The following TPST1 variants were observed in gnomAD, a reference collection of about 807,000 sequenced individuals.
The protein encoded by TPST1 is protein-tyrosine sulfotransferase 1.
Under a neutral mutation model 34.8 loss-of-function variants are expected in TPST1, and 20 were observed. The ratio of observed to expected loss-of-function variants is 0.57; its 90% CI spans 0.40 to 0.84. The LOEUF (loss-of-function observed/expected upper bound fraction) is 0.84. TPST1 is among the 40% of genes least tolerant of loss of function. The pLI is 0.00. For synonymous variants in TPST1, 152 were observed against 159.4 expected (o/e 0.95, Z 0.35); for missense variants, 353 against 455.5 (o/e 0.78, Z 2.05).
At chr7:66,321,368 C>T (rs1400078810) in intron 3 of TPST1, among the ~76,000 whole-genome samples, 1 of 152,250 alleles carries the variant, frequency 6.6e-6, no homozygotes, top group Non-Finnish European at 1.5e-5. Context: ...CAACTGACTT[C>T]AGGGTCAGGC....
chr7:66,222,858 CTG>C (rs1372791302), intron 1 of TPST1, among the ~76,000 whole-genome samples: 1 of 152,180 alleles, frequency 6.6e-6, no homozygotes, highest in Non-Finnish European at 1.5e-5. Flanking sequence ...CCCAGCAGTG[CTG>C]TGAGAGAGAA....
chr7:66,296,453 A>G (rs989129464), intron 3 of TPST1, among the ~76,000 whole-genome samples: 2 of 151,966 alleles, frequency 1.3e-5, no homozygotes, highest in African/African-American at 2.4e-5. Flanking sequence ...TTTGCCTGTA[A>G]TAAGTCAGAT....
rs1789469745 is a variant in TPST1, at chr7:66,218,405, G to A, written c.-102+12883G>A. Among the ~76,000 whole-genome samples, 4 of 152,128 alleles carry A rather than the reference G, an allele frequency of 2.6e-5. 1 individual carries two copies. The highest frequency in any genetic ancestry group is 9.7e-5 in the African/African-American group (4 of 41,424). On this transcript the variant is annotated intron_variant, in intron 1 of 5. Coordinates refer to ENST00000304842, the MANE Select transcript of TPST1 (RefSeq NM_003596.4). ...ATACTCATTTATATGCTCATTTAAT[G>A]TATGTAACATTTAATTGAAATGTAT...
chr7:66,231,712 G>C, intron 1 of TPST1, among the ~76,000 whole-genome samples: 1 of 152,352 alleles, frequency 6.6e-6, no homozygotes, highest in East Asian at 1.9e-4. Flanking sequence ...GTTCCCGCTC[G>C]CGCCTCTCCC....
At chr7:66,297,419 A>G (rs1278671988) in intron 3 of TPST1, among the ~76,000 whole-genome samples, 1 of 152,230 alleles carries the variant, frequency 6.6e-6, no homozygotes, top group East Asian at 1.9e-4. Context: ...GAGAGTGGGG[A>G]TGATGCTGTG....
intron 1 of TPST1, among the ~76,000 whole-genome samples, chr7:66,216,262 C>T (rs539964334): frequency 1.5e-5 from 2 of 137,128 alleles, no homozygotes; most frequent in East Asian, 2.0e-4. Flanking sequence ...TTGGTAGTTA[C>T]GTCTCCTTTT....
upstream of TPST1, among the ~76,000 whole-genome samples, chr7:66,203,610 C>T (rs778560570): frequency 2.0e-5 from 3 of 151,872 alleles, no homozygotes; most frequent in East Asian, 1.9e-4. Context: ...CTCTGCCTCC[C>T]GAGTAGCTGG....
chr7:66,301,192 TTCTTTCCTTAA>T (rs1277294937), intron 3 of TPST1, among the ~76,000 whole-genome samples: 1 of 152,234 alleles, frequency 6.6e-6, no homozygotes, highest in Non-Finnish European at 1.5e-5. Flanking sequence ...TGGAGATAGC[TTCTTTCCTTAA>T]TCTTCATAAA....
chr7:66,332,417 G>A lies in TPST1; in HGVS notation c.1045-20088G>A, dbSNP rs955672750. On this transcript the variant is annotated intron_variant, in intron 3 of 5. Transcript: ENST00000304842. This position sits in a 1 kb window ranked among gnomAD's most constrained non-coding sequence, Gnocchi z 4.5. ...CGAGTAGCTGGGATTACAGGTGCCC[G>A]CCACCAAGCCCAGCTAATTTTTTGT... is the stretch of plus-strand genomic sequence containing the variant. Among the ~76,000 whole-genome samples, 5 of 151,942 alleles carry A rather than the reference G, an allele frequency of 3.3e-5. No individual in the cohort carries two copies. The East Asian group carries it at 5.8e-4, about 18-fold the overall frequency.
chr7:66,347,059 C>CTTTTTTTTTTTTTTTTTTTTTTTTTTT lies in TPST1; in HGVS notation c.1045-5420_1045-5419insTTTTTTTTTTTTTTTTTTTTTTTTTTT, dbSNP rs71051352. 8.3e-5 allele frequency among the ~76,000 whole-genome samples: 5 copies of CTTTTTTTTTTTTTTTTTTTTTTTTTTT among 59,962 alleles called. 1 individual carries two copies. Among genetic ancestry groups the CTTTTTTTTTTTTTTTTTTTTTTTTTTT allele is most frequent in the South Asian group, 9.1e-4 (1 of 1,104 alleles). The allele number at this position is 59,962 out of a possible 152,430, so 39.3% of individuals were successfully genotyped here. On this transcript the variant is annotated intron_variant, in intron 3 of 5. Transcript: ENST00000304842. The stretch of plus-strand genomic sequence containing the variant: ...TTTCTTCTTTTTTTCCTTTGCTTTT[C>CTTTTTTTTTTTTTTTTTTTTTTTTTTT]TTTTTTTTTTTTTTTTTTTTTTTTT...
intron 3 of TPST1, among the ~76,000 whole-genome samples, chr7:66,305,337 A>G (rs901734013): frequency 6.6e-6 from 1 of 152,018 alleles, no homozygotes; most frequent in African/African-American, 2.4e-5. Flanking sequence ...CTCAGTAGTC[A>G]CCTCAGATGG....
intron 2 of TPST1, among the ~76,000 whole-genome samples, chr7:66,276,212 G>A (rs1790806362): frequency 6.6e-6 from 1 of 150,898 alleles, no homozygotes. Context: ...TAAAAATAAT[G>A]TTTTCTTAAA....
At chr7:66,301,763 C>G (rs981680307) in intron 3 of TPST1, among the ~76,000 whole-genome samples, 1 of 152,180 alleles carries the variant, frequency 6.6e-6, no homozygotes, top group Admixed American at 6.5e-5. Flanking sequence ...TCGTGGCACC[C>G]CAAAACAATT....
At chr7:66,201,467 G>A (rs1789035309), upstream of TPST1, among the ~76,000 whole-genome samples, 1 of 151,808 alleles carries the variant, frequency 6.6e-6, no homozygotes, top group Non-Finnish European at 1.5e-5. Context: ...AAGGTGGGCA[G>A]ATCACATGAG....
chr7:66,322,456 G>A (rs1235358399), intron 3 of TPST1, among the ~76,000 whole-genome samples: 1 of 152,034 alleles, frequency 6.6e-6, no homozygotes, highest in South Asian at 2.1e-4. Flanking sequence ...CTTTTGTCTC[G>A]ATTTAAGTAC....
At chr7:66,296,252 C>G (rs1368872725) in intron 3 of TPST1, among the ~76,000 whole-genome samples, 1 of 44,182 alleles carries the variant, frequency 2.3e-5, no homozygotes, top group South Asian at 7.1e-4. Context: ...ACCCTTCCCC[C>G]CCCCCTCCCC....
chr7:66,257,603 C>G (rs1327875685), intron 2 of TPST1, among the ~76,000 whole-genome samples: 3 of 152,146 alleles, frequency 2.0e-5, no homozygotes, highest in Non-Finnish European at 2.9e-5. Flanking sequence ...TTTGGTCCAG[C>G]CTGGCAGTGT....
intron 3 of TPST1, among the ~76,000 whole-genome samples, chr7:66,313,453 G>T (rs1256307245): frequency 6.6e-6 from 1 of 152,026 alleles, no homozygotes; most frequent in African/African-American, 2.4e-5. Flanking sequence ...AACAAATTAT[G>T]CTGGCTACAA....
intron 1 of TPST1, among the ~76,000 whole-genome samples, chr7:66,215,606 C>T (rs568735681): frequency 2.0e-5 from 3 of 151,804 alleles, no homozygotes; most frequent in African/African-American, 4.8e-5. Context: ...GATCTCCTGA[C>T]CTCGTGATCC....
Sources: gnomAD v4.1 joint callset for allele counts (sites outside exome capture counted in the v4.1 genomes callset) on GRCh38, gnomAD v4.1.1 for gene constraint, Gnocchi (gnomAD v3.1) non-coding constraint, MANE v1.5 for transcripts, NCBI Gene and HGNC (gene_info 2026-07-23, HGNC 2026-07-21) for gene names.